Variants in CASQ2 observed in about 807,000 individuals in gnomAD.
The protein encoded by CASQ2 is calsequestrin 2.
In CASQ2, 49 loss-of-function variants were observed where a neutral mutation model predicts 46.5. The ratio of observed to expected loss-of-function variants is 1.05; its 90% CI spans 0.84 to 1.34. CASQ2 has a LOEUF of 1.34. Among genes scored for constraint, CASQ2 ranks in the 40% most tolerant of loss-of-function variants. The probability of loss-of-function intolerance (pLI) is 0.00; values close to 1 mark genes in which losing one functional copy is unlikely to be tolerated. For missense variants in CASQ2, 486 were observed against 481.3 expected, an observed-to-expected ratio of 1.01 and a Z score of -0.09; for synonymous variants, 174 against 168.5, an observed-to-expected ratio of 1.03 and a Z score of -0.25.
chr1:115,734,637 G>C (rs1647896095), intron 4 of CASQ2, among the ~76,000 whole-genome samples: 1 of 152,178 alleles, frequency 6.6e-6, no homozygotes, highest in African/African-American at 2.4e-5. Context: ...CTTCCAGTCA[G>C]ACCCCTTTCC....
intron 8 of CASQ2, among the ~76,000 whole-genome samples, chr1:115,715,360 ATACAATGGAATATTATTCGGCCCT>A (rs1654667910): frequency 6.6e-6 from 1 of 152,220 alleles, no homozygotes; most frequent in Non-Finnish European, 1.5e-5. Context: ...TTTGGTTTTG[ATACAATGGAATATTATTCGGCCCT>A]TAAAAGGAAT....
chr1:115,702,888 G>A (rs745320439), intron 10 of CASQ2, 33 bp downstream of exon 10: 1 of 1,529,622 alleles, frequency 6.5e-7, no homozygotes, highest in Admixed American at 1.7e-5. Context: ...CAGGCCAAGG[G>A]TGCCTGAGCA....
chr1:115,748,475 G>C (rs1570844056), intron 1 of CASQ2, among the ~76,000 whole-genome samples: 1 of 152,078 alleles, frequency 6.6e-6, no homozygotes, highest in South Asian at 2.1e-4. Flanking sequence ...GGGGACTGAG[G>C]GGTGGGAGTG....
chr1:115,746,516 T>C (rs553182791), intron 1 of CASQ2, among the ~76,000 whole-genome samples: 8 of 152,354 alleles, frequency 5.3e-5, no homozygotes, highest in African/African-American at 1.7e-4. Context: ...TTTTTCATTT[T>C]AGTCATTTTG....
In CASQ2 at chr1:115,768,303, C is replaced by G; in HGVS notation, c.234+5G>C. On this transcript the variant is annotated splice_donor_5th_base_variant and intron_variant, in intron 1 of 10. Coordinates refer to ENST00000261448, the MANE Select transcript of CASQ2 (RefSeq NM_001232.4). ...GCGCAGACAGCATGCCCTTTGGTTA[C>G]TTACCTCAAGCACGATTTCTTTCAG... is the stretch of plus-strand genomic sequence containing the variant. 8 of 1,599,912 alleles carry G rather than the reference C, an allele frequency of 5.0e-6. No homozygotes were observed. The highest frequency in any genetic ancestry group is 6.9e-6 in the Non-Finnish European group (8 of 1,167,184).
At chr1:115,768,261 G>A (rs372128380) in intron 1 of CASQ2, 47 bp downstream of exon 1, 46 of 1,227,674 alleles carry the variant, frequency 3.7e-5, no homozygotes, top group African/African-American at 3.3e-4. Flanking sequence ...GCATTCCCTC[G>A]GCACCTCACT....
rs577156585 is a variant in CASQ2 at position 115,756,102 on chromosome 1, T to C, written c.235-11190A>G. ...TTGTATAGGTAGAAGCAGGTGAGCATGTGAGGGAGTACCTGTTGGCTCTCC... is the reference window on the plus strand; with the variant it reads ...TTGTATAGGTAGAAGCAGGTGAGCACGTGAGGGAGTACCTGTTGGCTCTCC... On this transcript the variant is annotated intron_variant, in intron 1 of 10. Transcript: ENST00000261448. 1.6e-4 allele frequency among the ~76,000 whole-genome samples: 24 copies of C among 152,302 alleles called. No homozygotes were observed. In the South Asian group the frequency reaches 4.8e-3, roughly 30 times the overall value.
At chr1:115,713,758 C>G (rs554399156) in intron 8 of CASQ2, among the ~76,000 whole-genome samples, 1 of 152,180 alleles carries the variant, frequency 6.6e-6, no homozygotes, top group Non-Finnish European at 1.5e-5. Context: ...CCAGTACATG[C>G]GGCAGCACTG....
chr1:115,741,409 G>A (rs1648174075), intron 2 of CASQ2, among the ~76,000 whole-genome samples: 1 of 152,142 alleles, frequency 6.6e-6, no homozygotes, highest in Non-Finnish European at 1.5e-5. Flanking sequence ...GCTTCTTCAG[G>A]TCTCAGCTTA....
At chr1:115,759,951 G>T (rs1358686368) in intron 1 of CASQ2, among the ~76,000 whole-genome samples, 1 of 152,150 alleles carries the variant, frequency 6.6e-6, no homozygotes, top group Admixed American at 6.5e-5. Context: ...TTAAAAGCCA[G>T]GCAATTCAAC....
chr1:115,747,439 A>C (rs1648425693), intron 1 of CASQ2, among the ~76,000 whole-genome samples: 1 of 152,166 alleles, frequency 6.6e-6, no homozygotes, highest in Admixed American at 6.6e-5. Context: ...TTATTTTTCT[A>C]AATTGCTTTA....
intron 8 of CASQ2, among the ~76,000 whole-genome samples, chr1:115,717,356 C>A (rs1654736729): frequency 6.6e-6 from 1 of 152,188 alleles, no homozygotes; most frequent in Non-Finnish European, 1.5e-5. Context: ...GAGCAAGGAG[C>A]TGACTTATGG....
intron 5 of CASQ2, among the ~76,000 whole-genome samples, chr1:115,730,044 A>T (rs905541799): frequency 1.3e-5 from 2 of 152,162 alleles, no homozygotes; most frequent in Non-Finnish European, 2.9e-5. Context: ...GCTTCTTCAG[A>T]GAGGTTGGGC....
chr1:115,713,149 C>T (rs1049962583), intron 8 of CASQ2, among the ~76,000 whole-genome samples: 1 of 152,130 alleles, frequency 6.6e-6, no homozygotes, highest in Non-Finnish European at 1.5e-5. Flanking sequence ...CTAGCATGCA[C>T]TCATGTAGAA....
At chr1:115,737,149 G>C (rs1361900737) in intron 4 of CASQ2, among the ~76,000 whole-genome samples, 1 of 152,160 alleles carries the variant, frequency 6.6e-6, no homozygotes, top group Non-Finnish European at 1.5e-5. Context: ...ATACGGAAAT[G>C]TACAAACTAA....
In CASQ2 at chr1:115,768,301, TA is replaced by T; in HGVS notation, c.234+6del. 1.3e-6 allele frequency: 2 copies of T among 1,590,698 alleles called. No individual in the cohort carries two copies. The highest frequency in any genetic ancestry group is 1.7e-6 in the Non-Finnish European group (2 of 1,158,766). ...CAGCGCAGACAGCATGCCCTTTGGT[TA>T]CTTACCTCAAGCACGATTTCTTTCA... is the stretch of plus-strand genomic sequence containing the variant. On this transcript the variant is annotated splice_donor_region_variant and intron_variant, in intron 1 of 10. Coordinates refer to ENST00000261448, the MANE Select transcript of CASQ2 (RefSeq NM_001232.4).
At chr1:115,743,811 A>C (rs1319412524) in intron 2 of CASQ2, among the ~76,000 whole-genome samples, 1 of 151,974 alleles carries the variant, frequency 6.6e-6, no homozygotes, top group South Asian at 2.1e-4. Flanking sequence ...GAAAAAGCCA[A>C]ATGGGCAGTA....
intron 7 of CASQ2, among the ~76,000 whole-genome samples, chr1:115,724,808 A>G (rs1647520367): frequency 6.6e-6 from 1 of 152,238 alleles, no homozygotes. Context: ...CAGCTCAGAA[A>G]GGCCACAGGA....
At chr1:115,763,274 G>A (rs895588274) in intron 1 of CASQ2, among the ~76,000 whole-genome samples, 2 of 152,048 alleles carry the variant, frequency 1.3e-5, no homozygotes, top group Admixed American at 1.3e-4. Flanking sequence ...ATGGGGCAAG[G>A]CCTAATTTAA....
Sources: allele counts gnomAD v4.1 joint callset (sites outside exome capture counted in the v4.1 genomes callset), GRCh38; gene constraint gnomAD v4.1.1; transcripts MANE v1.5; gene names NCBI Gene and HGNC (gene_info 2026-07-23, HGNC 2026-07-21).